KCTD1: variants seen among roughly 807,000 people sequenced by gnomAD.
KCTD1 encodes the protein potassium channel tetramerization domain containing 1.
Under a neutral mutation model 66.0 loss-of-function variants are expected in KCTD1, and 24 were observed. The ratio of observed to expected loss-of-function variants is 0.36; its 90% CI spans 0.26 to 0.51. The LOEUF (loss-of-function observed/expected upper bound fraction) is 0.51. Ranked by LOEUF, KCTD1 falls within the 20% of genes least tolerant of loss-of-function variation. The pLI, the probability that KCTD1 is intolerant of heterozygous loss-of-function variation, is 0.95. For missense variants in KCTD1, 943 were observed against 1,205.2 expected, an observed-to-expected ratio of 0.78 and a Z score of 3.22; for synonymous variants, 511 against 517.2, an observed-to-expected ratio of 0.99 and a Z score of 0.16.
intron 1 of KCTD1, among the ~76,000 whole-genome samples, chr18:26,580,969 A>C (rs917049020): frequency 2.6e-5 from 4 of 152,232 alleles, no homozygotes; most frequent in African/African-American, 7.2e-5. Flanking sequence ...TGTATGGCCC[A>C]CACAGCCTAA....
At chr18:26,586,849 G>A (rs1328933113) in intron 1 of KCTD1, among the ~76,000 whole-genome samples, 1 of 152,202 alleles carries the variant, frequency 6.6e-6, no homozygotes, top group African/African-American at 2.4e-5. Context: ...TGAGGTAGCT[G>A]TAGAAGAAAA....
chr18:26,500,304 C>T (rs991008612), intron 2 of KCTD1, among the ~76,000 whole-genome samples: 2 of 150,836 alleles, frequency 1.3e-5, no homozygotes, highest in African/African-American at 4.9e-5. Flanking sequence ...CCTGTGGTCT[C>T]AGCTCCTGAG....
chr18:26,534,436 G>C (rs907062552), intron 1 of KCTD1, among the ~76,000 whole-genome samples: 4 of 151,782 alleles, frequency 2.6e-5, no homozygotes, highest in African/African-American at 9.7e-5. Flanking sequence ...TCTCCAACTG[G>C]TTTCTTTGTA....
chr18:26,535,448 C>T (rs542658942), intron 1 of KCTD1, among the ~76,000 whole-genome samples: 9 of 151,700 alleles, frequency 5.9e-5, no homozygotes, highest in Non-Finnish European at 7.4e-5. Context: ...AAATGGCTCC[C>T]GGGGGCTTGA....
intron 1 of KCTD1, among the ~76,000 whole-genome samples, chr18:26,637,040 A>T (rs1474337870): frequency 6.6e-6 from 1 of 151,960 alleles, no homozygotes; most frequent in Non-Finnish European, 1.5e-5. Flanking sequence ...CCCTGCCATG[A>T]CTCGCTCCCT....
At chr18:26,573,217 T>C (rs563927978) in intron 1 of KCTD1, among the ~76,000 whole-genome samples, 1 of 152,130 alleles carries the variant, frequency 6.6e-6, no homozygotes, top group South Asian at 2.1e-4. Context: ...GTCAAATTCA[T>C]AGAAATAAAA....
At position 26,558,029 on chromosome 18, in the gene KCTD1, A is replaced by C. The variant is rs922350297; in HGVS notation, c.-15-56779T>G. On this transcript the variant is annotated intron_variant, in intron 1 of 4. Coordinates refer to the KCTD1 transcript ENST00000317932. The stretch of plus-strand genomic sequence containing the variant: ...TGAGTCCAGCTCTCTGTTGGGGACA[A>C]CTCCAGAGAGTTCTGGAGAGCTCAG... Among the ~76,000 whole-genome samples, 9 of 152,242 alleles carry C rather than the reference A, an allele frequency of 5.9e-5. No homozygotes were observed. The South Asian group carries it at 1.9e-3, about 32-fold the overall frequency.
intron 2 of KCTD1, among the ~76,000 whole-genome samples, chr18:26,484,280 T>A (rs993882723): frequency 3.3e-5 from 5 of 152,176 alleles, no homozygotes; most frequent in African/African-American, 1.2e-4. Flanking sequence ...AAATACCTTC[T>A]AAGTAAAAAC....
intron 1 of KCTD1, among the ~76,000 whole-genome samples, chr18:26,583,448 A>C (rs2144927722): frequency 6.6e-6 from 1 of 151,644 alleles, no homozygotes; most frequent in South Asian, 2.1e-4. Context: ...AAAAGTGAGC[A>C]TGAGCTTTTA....
intron 3 of KCTD1, among the ~76,000 whole-genome samples, chr18:26,467,887 AG>A (rs374651714): frequency 1.2e-3 from 181 of 152,354 alleles, no homozygotes; most frequent in African/African-American, 4.2e-3. Flanking sequence ...GGGCTAGGTA[AG>A]TTGGGAGCTG....
chr18:26,587,093 G>A (rs1986489185), intron 1 of KCTD1, among the ~76,000 whole-genome samples: 1 of 152,220 alleles, frequency 6.6e-6, no homozygotes, highest in Non-Finnish European at 1.5e-5. Flanking sequence ...TTCATAGCTA[G>A]AGAGAAGTCA....
chr18:26,519,581 C>T (rs1983816226), intron 1 of KCTD1, among the ~76,000 whole-genome samples: 1 of 152,176 alleles, frequency 6.6e-6, no homozygotes, highest in Non-Finnish European at 1.5e-5. Context: ...GTCAATCAAC[C>T]ATTTATATAA....
At chr18:26,485,756 T>C (rs1981884347) in intron 2 of KCTD1, among the ~76,000 whole-genome samples, 1 of 152,094 alleles carries the variant, frequency 6.6e-6, no homozygotes. Flanking sequence ...CTCTCAACAC[T>C]GTTCTATATT....
chr18:26,574,031 C>T (rs1256837730), intron 1 of KCTD1, among the ~76,000 whole-genome samples: 3 of 152,162 alleles, frequency 2.0e-5, no homozygotes, highest in African/African-American at 4.8e-5. Flanking sequence ...GCCACTGACA[C>T]GTGTTGGCCA....
intron 1 of KCTD1, among the ~76,000 whole-genome samples, chr18:26,521,626 G>A (rs1008900982): frequency 1.3e-5 from 2 of 152,142 alleles, no homozygotes; most frequent in Non-Finnish European, 2.9e-5. Context: ...CTAAAGGCTG[G>A]ATTTATAGTT....
At chr18:26,507,797 A>G (rs1232256972) in intron 1 of KCTD1, among the ~76,000 whole-genome samples, 1 of 152,024 alleles carries the variant, frequency 6.6e-6, no homozygotes, top group African/African-American at 2.4e-5. Flanking sequence ...GTATGATTGT[A>G]TTTACATGAA....
At chr18:26,600,012 CGATATGGAGGACGACAGCATG>C in intron 1 of KCTD1, 1 of 1,611,326 alleles carries the variant, frequency 6.2e-7, no homozygotes, top group Non-Finnish European at 8.5e-7. Flanking sequence ...TCTCAGCCAA[CGATATGGAGGACGACAGCATG>C]GATCTCATTG....
At chr18:26,522,865 G>T (rs1983979370) in intron 1 of KCTD1, among the ~76,000 whole-genome samples, 1 of 152,088 alleles carries the variant, frequency 6.6e-6, no homozygotes, top group Non-Finnish European at 1.5e-5. Context: ...CTTACAGAGG[G>T]TTCAGTAATT....
chr18:26,599,667 G>T, intron 1 of KCTD1: 1 of 1,477,252 alleles, frequency 6.8e-7, no homozygotes. Context: ...CAGATCCTTC[G>T]GCCTGGTGGA....
Sources: gnomAD v4.1 joint callset for allele counts (sites outside exome capture counted in the v4.1 genomes callset) on GRCh38, gnomAD v4.1.1 for gene constraint, MANE v1.5 for transcripts, NCBI Gene and HGNC (gene_info 2026-07-23, HGNC 2026-07-21) for gene names.